Variants in PCDHGA10 observed in about 807,000 individuals in gnomAD.
PCDHGA10 encodes protocadherin gamma-A10.
In PCDHGA10, 42 loss-of-function variants were observed where a neutral mutation model predicts 59.5. That is an observed-to-expected ratio of 0.71 (90% CI 0.55 to 0.91). PCDHGA10 has a LOEUF of 0.91. Ranked by LOEUF, PCDHGA10 falls within the 40% of genes least tolerant of loss-of-function variation. The probability of loss-of-function intolerance (pLI) is 0.00; values close to 1 mark genes in which losing one functional copy is unlikely to be tolerated. For missense variants in PCDHGA10, 1,111 were observed against 1,198.2 expected (o/e 0.93, Z 1.07); for synonymous variants, 511 against 517.2 (o/e 0.99, Z 0.16).
Position 141,432,151 on chromosome 5 carries a change from C to T in PCDHGA10, c.2436+16540C>T. 2 of 1,614,122 alleles carry T rather than the reference C, an allele frequency of 1.2e-6. No homozygotes were observed. The highest frequency in any genetic ancestry group is 2.2e-5 in the South Asian group (2 of 91,066). ...CCTATTCCGCTTATATCCCAGAGAA[C>T]AATCCCAGAGGAGTTTCCCTCGTCT... On this transcript the variant is annotated intron_variant, in intron 1 of 3. Transcript: ENST00000398610. The surrounding 1 kb of genome is among the most constrained non-coding windows in gnomAD (Gnocchi z 6.0).
Position 141,432,058 on chromosome 5 carries a change from C to T in PCDHGA10, c.2436+16447C>T, listed in dbSNP as rs2097444209. On this transcript the variant is annotated intron_variant, in intron 1 of 3. Coordinates refer to ENST00000398610, the MANE Select transcript of PCDHGA10 (RefSeq NM_018913.3). The surrounding 1 kb of genome is among the most constrained non-coding windows in gnomAD (Gnocchi z 6.0). ...CTGACCGGGGAACCCCGCCCCTATC[C>T]ACGGAAACTCATATCTCGCTGAACG... 1 of 1,614,210 alleles carries T rather than the reference C, an allele frequency of 6.2e-7. No individual in the cohort carries two copies.
rs1248867280 is a variant in PCDHGA10 at position 141,511,325 on chromosome 5, C to T, written c.*152C>T. 18 of 1,466,406 alleles carry T rather than the reference C, an allele frequency of 1.2e-5. No homozygotes were observed. Among genetic ancestry groups the T allele is most frequent in the Non-Finnish European group, 1.5e-5 (17 of 1,099,872 alleles). 90.8% of individuals were successfully genotyped at this position (1,466,406 alleles called of 1,614,324 possible). A position where few individuals can be genotyped will look rare whatever the true frequency, so the allele number is the denominator to read the frequency against. On this transcript the variant is annotated 3_prime_UTR_variant, in exon 4 of 4. Coordinates refer to ENST00000398610, the MANE Select transcript of PCDHGA10 (RefSeq NM_018913.3). ...TCCCCTTGGGAAACAGAAACAAGTG[C>T]CCAGTCAGCACCTACCCCTTCCCCC...
chr5:141,487,596 A>T lies in PCDHGA10; in HGVS notation c.2437-7211A>T. The stretch of plus-strand genomic sequence containing the variant: ...GTTCGCCCAAGCTGCCCACCCTCTG[A>T]TCTTCTCTATGGGCTAGAGGTGAGA... On this transcript the variant is annotated intron_variant, in intron 1 of 3. Transcript: ENST00000398610. The surrounding 1 kb of genome is among the most constrained non-coding windows in gnomAD (Gnocchi z 5.0). The T allele has an allele frequency of 1.2e-6, 2 of 1,614,108 alleles. No individual in the cohort carries two copies. Among genetic ancestry groups the T allele is most frequent in the Non-Finnish European group, 8.5e-7 (1 of 1,180,024 alleles).
chr5:141,479,333 G>A (rs2154577502), intron 1 of PCDHGA10: 1 of 152,652 alleles, frequency 6.6e-6, no homozygotes, highest in East Asian at 1.9e-4. Context: ...TCAGTGGTGT[G>A]CACCTGTAGT....
At position 141,485,831 on chromosome 5, in the gene PCDHGA10, C is replaced by A; in HGVS notation, c.2437-8976C>A. The A allele has an allele frequency of 6.2e-7, 1 of 1,614,080 alleles. No individual in the cohort carries two copies. Among genetic ancestry groups the A allele is most frequent in the Non-Finnish European group, 8.5e-7 (1 of 1,180,026 alleles). ...GCTGACTGCTGTCGATGGAGGGAAC[C>A]CGCCGAGATCTGGCACCGCAGAGCT... On this transcript the variant is annotated intron_variant, in intron 1 of 3. Coordinates refer to ENST00000398610, the MANE Select transcript of PCDHGA10 (RefSeq NM_018913.3). The surrounding 1 kb of genome is among the most constrained non-coding windows in gnomAD (Gnocchi z 5.7).
chr5:141,413,865 C>A lies in PCDHGA10; in HGVS notation c.690C>A (p.Val230=). The A allele has an allele frequency of 1.2e-6, 2 of 1,613,388 alleles. No individual in the cohort carries two copies. The highest frequency in any genetic ancestry group is 1.7e-6 in the Non-Finnish European group (2 of 1,179,876). The stretch of plus-strand genomic sequence containing the variant: ...GTGACCCTCTCCGATCTGGCACTGT[C>A]CTTGTCAGTGTGACTGTCTTCGATG... The part of the protein sequence containing the change: ...DGGDPLRSGT[V]LVSVTVFDAN... The change falls in exon 1 of 4, where the codon GTC becomes GTA. Residue 230 remains valine (V), a synonymous_variant. Coordinates refer to ENST00000398610, the MANE Select transcript of PCDHGA10 (RefSeq NM_018913.3).
In PCDHGA10 at chr5:141,431,317, C is replaced by G; in HGVS notation, c.2436+15706C>G. 2 of 1,614,082 alleles carry G rather than the reference C, an allele frequency of 1.2e-6. No homozygotes were observed. The highest frequency in any genetic ancestry group is 1.7e-6 in the Non-Finnish European group (2 of 1,180,038). On this transcript the variant is annotated intron_variant, in intron 1 of 3. Transcript: ENST00000398610. The surrounding 1 kb of genome is among the most constrained non-coding windows in gnomAD (Gnocchi z 4.8). ...TCTCCCTCATCGTGCAAAATGGAGC[C>G]GACGGTAGTAAGTACCCCGAATTGG...
At chr5:141,504,303 G>A (rs1157625808) in intron 2 of PCDHGA10, among the ~76,000 whole-genome samples, 4 of 151,938 alleles carry the variant, frequency 2.6e-5, no homozygotes, top group Admixed American at 2.6e-4. Context: ...TTCAACACTC[G>A]GAGTTTCTAA....
chr5:141,456,140 G>A (rs1032104368), intron 1 of PCDHGA10, among the ~76,000 whole-genome samples: 38 of 152,022 alleles, frequency 2.5e-4, no homozygotes, highest in African/African-American at 8.7e-4. Flanking sequence ...CTCCTGATCC[G>A]CCCGCCTCGG....
At chr5:141,488,207 TC>T (rs2099672969) in intron 1 of PCDHGA10, among the ~76,000 whole-genome samples, 1 of 152,216 alleles carries the variant, frequency 6.6e-6, no homozygotes, top group Non-Finnish European at 1.5e-5. Context: ...AGGACTCATA[TC>T]AAGTCCCTAC....
Position 141,511,176 on chromosome 5 carries a change from T to C in PCDHGA10, c.*3T>C, listed in dbSNP as rs375508988. On this transcript the variant is annotated 3_prime_UTR_variant, in exon 4 of 4. Transcript: ENST00000398610. ...CGGGCAAGAAGGAGAAGAAGTAACA[T>C]GGAGGCCAGGCCAAGAGCCACAGGG... 198 of 1,614,046 alleles carry C rather than the reference T, an allele frequency of 1.2e-4. 1 individual carries two copies. The highest frequency in any genetic ancestry group is 6.5e-5 in the Non-Finnish European group (77 of 1,179,964).
chr5:141,506,645 A>G (rs1229614297), intron 3 of PCDHGA10, among the ~76,000 whole-genome samples: 3 of 152,188 alleles, frequency 2.0e-5, no homozygotes, highest in African/African-American at 7.2e-5. Context: ...CCCTCAGCAC[A>G]GGATTGGCAG....
rs747671382 is a variant in PCDHGA10 at position 141,444,152 on chromosome 5, A to ATTTTTTTT, written c.2436+28570_2436+28577dup. ...GATATGTGTCACTTGTGTGTACTGG[A>ATTTTTTTT]TTTTTTTTTTTTTTTTTTTTTTTTT... On this transcript the variant is annotated intron_variant, in intron 1 of 3. Transcript: ENST00000398610. Among the ~76,000 whole-genome samples, 8 of 33,898 alleles carry ATTTTTTTT rather than the reference A, an allele frequency of 2.4e-4. 3 individuals are homozygous for ATTTTTTTT. Among genetic ancestry groups the ATTTTTTTT allele is most frequent in the African/African-American group, 5.6e-4 (4 of 7,184 alleles). The allele number at this position is 33,898 out of a possible 152,430, so 22.2% of individuals were successfully genotyped here.
In PCDHGA10 at chr5:141,419,638, C is replaced by T. The variant is rs191182165; in HGVS notation, c.2436+4027C>T. On this transcript the variant is annotated intron_variant, in intron 1 of 3. Coordinates refer to ENST00000398610, the MANE Select transcript of PCDHGA10 (RefSeq NM_018913.3). Reference sequence around the variant, plus strand: ...GCTACCTGGTGACCAAGGTGGTGGCCGTGGACGCGGACTCGGGGCACAATG... The same window carrying T: ...GCTACCTGGTGACCAAGGTGGTGGCTGTGGACGCGGACTCGGGGCACAATG... The T allele has an allele frequency of 4.9e-3, 7,979 of 1,612,456 alleles. 44 individuals are homozygous for T. Among genetic ancestry groups the T allele is most frequent in the Admixed American group, 9.5e-3 (568 of 60,000 alleles).
intron 1 of PCDHGA10, among the ~76,000 whole-genome samples, chr5:141,449,589 A>G (rs1196329432): frequency 7.6e-6 from 1 of 131,966 alleles, no homozygotes; most frequent in Non-Finnish European, 1.7e-5. Context: ...ACTCTGTCTC[A>G]AAAAAAAAAA....
chr5:141,446,458 G>A (rs2098502933), intron 1 of PCDHGA10, among the ~76,000 whole-genome samples: 1 of 151,662 alleles, frequency 6.6e-6, no homozygotes, highest in African/African-American at 2.4e-5. Flanking sequence ...TATTCAGTGT[G>A]TGATTAGACA....
At position 141,414,752 on chromosome 5, in the gene PCDHGA10, ATG is replaced by A; in HGVS notation, c.1578_1579del (p.Tyr526Ter). On this transcript the variant is annotated stop_gained and frameshift_variant, in exon 1 of 4. Transcript: ENST00000398610. LOFTEE classifies it high-confidence loss of function. Reference sequence around the variant, plus strand: ...CTGTATGCACTCAGATCCTTCGACTATGAGCAGTTTCATGAGCTACAGATGCA... The same window carrying A: ...CTGTATGCACTCAGATCCTTCGACTAAGCAGTTTCATGAGCTACAGATGCA... The A allele has an allele frequency of 1.2e-6, 2 of 1,614,228 alleles. No homozygotes were observed. The highest frequency in any genetic ancestry group is 1.7e-6 in the Non-Finnish European group (2 of 1,180,042).
intron 1 of PCDHGA10, among the ~76,000 whole-genome samples, chr5:141,461,985 G>C (rs894777268): frequency 2.6e-5 from 4 of 152,170 alleles, no homozygotes; most frequent in Non-Finnish European, 5.9e-5. Flanking sequence ...CACCACGCCA[G>C]GCTAATTTTG....
At chr5:141,494,972 C>T (rs1005793988) in intron 2 of PCDHGA10, 107 bp downstream of exon 2, 69 of 1,581,734 alleles carry the variant, frequency 4.4e-5, no homozygotes, top group Non-Finnish European at 5.9e-5. Context: ...TGGCTTCTCC[C>T]TCAGTTTGAG....
Sources: allele counts gnomAD v4.1 joint callset (sites outside exome capture counted in the v4.1 genomes callset), GRCh38; gene constraint gnomAD v4.1.1; non-coding constraint Gnocchi (gnomAD v3.1); transcripts MANE v1.5; gene names NCBI Gene and HGNC (gene_info 2026-07-23, HGNC 2026-07-21).